Variants in SLC5A10 observed in about 807,000 individuals in gnomAD.
SLC5A10 encodes the protein sodium/mannose cotransporter SLC5A10.
A neutral mutation model predicts 68.9 loss-of-function variants in SLC5A10; 55 were observed. That is an observed-to-expected ratio of 0.80 (90% CI 0.64 to 1.00). The LOEUF (loss-of-function observed/expected upper bound fraction) is 1.00, where lower values mean the gene tolerates loss of function less well. SLC5A10 is among the 50% of genes least tolerant of loss of function. The pLI is 0.00. For synonymous variants in SLC5A10, 344 were observed against 344.8 expected (o/e 1.00, Z 0.02); for missense variants, 732 against 819.3 (o/e 0.89, Z 1.30).
In SLC5A10 at chr17:19,004,110, C is replaced by A; in HGVS notation, c.983-9300C>A. The A allele has an allele frequency of 3.4e-6, 5 of 1,477,318 alleles. No homozygotes were observed. Among genetic ancestry groups the A allele is most frequent in the Admixed American group, 2.3e-5 (1 of 43,852 alleles). 91.5% of individuals were successfully genotyped at this position (1,477,318 alleles called of 1,614,324 possible). ...GGTCCAGCTCCTAGCTCCGGCCCAG[C>A]TGGGGCACCGCGCGCTCGGGGGCCT... On this transcript the variant is annotated intron_variant, in intron 9 of 14. Coordinates refer to ENST00000395645, the MANE Select transcript of SLC5A10 (RefSeq NM_001042450.4). The surrounding 1 kb of genome is among the most constrained non-coding windows in gnomAD (Gnocchi z 5.4).
At position 19,022,034 on chromosome 17, in the gene SLC5A10, G is replaced by A. The variant is rs766784776; in HGVS notation, c.*1603G>A. 2 of 1,599,714 alleles carry A rather than the reference G, an allele frequency of 1.3e-6. No individual in the cohort carries two copies. The highest frequency in any genetic ancestry group is 2.7e-5 in the African/African-American group (2 of 74,518). On this transcript the variant is annotated 3_prime_UTR_variant, in exon 15 of 15. Coordinates refer to ENST00000395645, the MANE Select transcript of SLC5A10 (RefSeq NM_001042450.4). Reference sequence around the variant, plus strand: ...CGCAGGACCGGCCCCGCCACCAGTGGGGGTCTGGGCGCTCCAGGACCTCAA... The same window carrying A: ...CGCAGGACCGGCCCCGCCACCAGTGAGGGTCTGGGCGCTCCAGGACCTCAA...
intron 9 of SLC5A10, among the ~76,000 whole-genome samples, chr17:19,011,868 C>A (rs1412816428): frequency 1.3e-5 from 2 of 151,616 alleles, no homozygotes; most frequent in African/African-American, 4.8e-5. Flanking sequence ...GGGTGTGAGA[C>A]CCGCCCTTCC....
At chr17:18,984,483 C>T (rs1362112909) in intron 9 of SLC5A10, among the ~76,000 whole-genome samples, 1 of 152,214 alleles carries the variant, frequency 6.6e-6, no homozygotes, top group Admixed American at 6.5e-5. Context: ...GCCTGTCCAG[C>T]GTGAGGCCTG....
At chr17:18,995,790 C>T (rs2043552504) in intron 9 of SLC5A10, among the ~76,000 whole-genome samples, 2 of 152,072 alleles carry the variant, frequency 1.3e-5, no homozygotes, top group African/African-American at 4.8e-5. Context: ...TGCCTATAAT[C>T]CCAGCTACTT....
At chr17:18,986,414 T>G (rs1255238338) in intron 9 of SLC5A10, 1 of 152,254 alleles carries the variant, frequency 6.6e-6, no homozygotes, top group Non-Finnish European at 1.5e-5. Context: ...AGAGCTGATT[T>G]GTCACTATTG....
chr17:18,967,304 G>A (rs1474597945), intron 5 of SLC5A10, among the ~76,000 whole-genome samples: 2 of 152,156 alleles, frequency 1.3e-5, no homozygotes, highest in African/African-American at 4.8e-5. Flanking sequence ...TGCACCTGCG[G>A]GACTTCTATT....
chr17:19,001,986 T>C (rs552542662), intron 9 of SLC5A10, among the ~76,000 whole-genome samples: 35 of 152,258 alleles, frequency 2.3e-4, no homozygotes, highest in Admixed American at 2.0e-3. Flanking sequence ...AGGCTCTCTG[T>C]GGGGACTGGG....
At chr17:18,955,061 G>A (rs891070375) in intron 1 of SLC5A10, among the ~76,000 whole-genome samples, 1 of 140,748 alleles carries the variant, frequency 7.1e-6, no homozygotes, top group Non-Finnish European at 1.5e-5. Flanking sequence ...ACTCCAGCAT[G>A]GGCAAAAGAG....
At chr17:18,962,056 T>C (rs2042623397) in intron 5 of SLC5A10, among the ~76,000 whole-genome samples, 1 of 152,166 alleles carries the variant, frequency 6.6e-6, no homozygotes, top group Admixed American at 6.5e-5. Context: ...TTTCCACTCA[T>C]ACTCTTCCTT....
intron 11 of SLC5A10, among the ~76,000 whole-genome samples, chr17:19,015,576 G>A (rs1157504034): frequency 6.6e-6 from 1 of 152,226 alleles, no homozygotes; most frequent in Non-Finnish European, 1.5e-5. Flanking sequence ...CCACACTTGG[G>A]CTGCCACGTC....
chr17:18,960,086 G>A (rs765648780), intron 4 of SLC5A10, among the ~76,000 whole-genome samples: 4 of 152,086 alleles, frequency 2.6e-5, no homozygotes, highest in African/African-American at 7.2e-5. Context: ...CTGCACCATC[G>A]TCGACTCTGC....
Position 18,959,542 on chromosome 17 carries a change from T to A in SLC5A10, c.289-62T>A. ...TGGCTCATCCCAGCCATGTCTGCTT[T>A]GTCTCTGGAGCAGAGCTGTGGGAGC... On this transcript the variant is annotated intron_variant, in intron 3 of 14. Transcript: ENST00000395645. 5 of 1,562,260 alleles carry A rather than the reference T, an allele frequency of 3.2e-6. No homozygotes were observed. The East Asian group carries it at 9.0e-5, about 28-fold the overall frequency.
intron 9 of SLC5A10, among the ~76,000 whole-genome samples, chr17:18,991,504 G>C (rs2043424041): frequency 1.3e-5 from 2 of 152,316 alleles, no homozygotes; most frequent in Non-Finnish European, 2.9e-5. Flanking sequence ...AAGGGCTGTG[G>C]AAATGAGAGG....
In SLC5A10 at chr17:18,960,594, G is replaced by A. The variant is rs899564160; in HGVS notation, c.395G>A (p.Arg132Gln). 7.4e-6 allele frequency: 12 copies of A among 1,614,024 alleles called. No homozygotes were observed. Among genetic ancestry groups the A allele is most frequent in the South Asian group, 1.1e-5 (1 of 91,086 alleles). Residue 132 changes from arginine (R) to glutamine (Q), a missense_variant, in exon 5 of 15, where the codon CGG (arginine) becomes CAG (glutamine). Transcript: ENST00000395645. ...ATTCAGAAGCGCTACGGGGGCCAGC[G>A]GATCCGCATGTACCTGTCTGTCCTG... is the stretch of plus-strand genomic sequence containing the variant. ...EYIQKRYGGQ[R>Q]IRMYLSVLSL...
In SLC5A10 at chr17:19,003,433, C is replaced by T; in HGVS notation, c.983-9977C>T. On this transcript the variant is annotated intron_variant, in intron 9 of 14. Coordinates refer to ENST00000395645, the MANE Select transcript of SLC5A10 (RefSeq NM_001042450.4). The surrounding 1 kb of genome is among the most constrained non-coding windows in gnomAD (Gnocchi z 4.5). ...GATCCCTAGAAGCCCATGTTGGGCT[C>T]CCGTTTTGGGCTCTGAGTGAGCCTG... 5.8e-6 allele frequency: 8 copies of T among 1,379,402 alleles called. No individual in the cohort carries two copies. In the African/African-American group the frequency reaches 6.0e-5, roughly 10 times the overall value. The allele number at this position is 1,379,402 out of a possible 1,614,324, so 85.4% of individuals were successfully genotyped here.
chr17:19,008,072 A>G (rs947471549), intron 9 of SLC5A10, among the ~76,000 whole-genome samples: 1 of 152,166 alleles, frequency 6.6e-6, no homozygotes, highest in Non-Finnish European at 1.5e-5. Context: ...CTGGTAAGTG[A>G]TGGTGGTAAG....
intron 8 of SLC5A10, among the ~76,000 whole-genome samples, chr17:18,974,218 G>T (rs959120185): frequency 6.6e-6 from 1 of 152,062 alleles, no homozygotes; most frequent in Non-Finnish European, 1.5e-5. Flanking sequence ...TAGAAATGGG[G>T]TTTCACCATG....
chr17:18,971,440 C>G lies in SLC5A10; in HGVS notation c.846+222C>G. On this transcript the variant is annotated intron_variant, in intron 8 of 14. Transcript: ENST00000395645. The surrounding 1 kb of genome is among the most constrained non-coding windows in gnomAD (Gnocchi z 5.5). ...CCCACTGGCTACCGCCCGTCCTGGC[C>G]TTTAGGTGCTTCGACTGAGACAGTT... is the stretch of plus-strand genomic sequence containing the variant. The G allele has an allele frequency of 6.2e-7, 1 of 1,613,852 alleles. No individual in the cohort carries two copies. The highest frequency in any genetic ancestry group is 8.5e-7 in the Non-Finnish European group (1 of 1,180,016).
At chr17:18,992,665 G>C (rs952906112) in intron 9 of SLC5A10, among the ~76,000 whole-genome samples, 15 of 152,220 alleles carry the variant, frequency 9.9e-5, no homozygotes, top group African/African-American at 3.6e-4. Flanking sequence ...GCTCTAGGCT[G>C]GGCTTTGGGT....
Sources: allele counts gnomAD v4.1 joint callset (sites outside exome capture counted in the v4.1 genomes callset), GRCh38; gene constraint gnomAD v4.1.1; non-coding constraint Gnocchi (gnomAD v3.1); transcripts MANE v1.5; gene names NCBI Gene and HGNC (gene_info 2026-07-23, HGNC 2026-07-21).